The following PGBD2 variants were observed in gnomAD, a reference collection of about 807,000 sequenced individuals.
The protein encoded by PGBD2 is piggyBac transposable element-derived protein 2.
A neutral mutation model predicts 8.1 loss-of-function variants in PGBD2; 6 were observed. The ratio of observed to expected loss-of-function variants is 0.74; its 90% CI spans 0.40 to 1.46. The LOEUF (loss-of-function observed/expected upper bound fraction) is 1.46, where lower values mean the gene tolerates loss of function less well. PGBD2 is among the 40% of genes most tolerant of loss of function. The pLI, the probability that PGBD2 is intolerant of heterozygous loss-of-function variation, is 0.02. For synonymous variants in PGBD2, 318 were observed against 272.2 expected (o/e 1.17, Z -1.66); for missense variants, 802 against 739.0 (o/e 1.09, Z -0.99).
chr1:248,926,415 A>G, the PGBD2 span, among the ~76,000 whole-genome samples: 1 of 152,226 alleles, frequency 6.6e-6, no homozygotes, highest in Non-Finnish European at 1.5e-5. Flanking sequence ...ATGGAAAGGT[A>G]GTGCATTCCT....
At chr1:248,930,075 C>G in the PGBD2 span, among the ~76,000 whole-genome samples, 2 of 152,218 alleles carry the variant, frequency 1.3e-5, no homozygotes, top group African/African-American at 4.8e-5. Flanking sequence ...GGAGGGAGCT[C>G]TGCCATGGGC....
chr1:248,916,791 C>G lies in PGBD2; in HGVS notation c.207C>G (p.His69Gln). 2 of 1,614,196 alleles carry G rather than the reference C, an allele frequency of 1.2e-6. No homozygotes were observed. The highest frequency in any genetic ancestry group is 8.5e-7 in the Non-Finnish European group (1 of 1,180,034). The stretch of plus-strand genomic sequence containing the variant: ...ATGAAGACAGCCAGCGAGGTGCTCA[C>G]CTACCTGGCAGTGTGCTGCATGCTT... The part of the protein sequence containing the change: ...SGDEDSQRGA[H>Q]LPGSVLHASV... The change falls in exon 3 of 3, where the codon CAC becomes CAG. Residue 69 changes from histidine (H) to glutamine (Q), a missense_variant. His to Gln is a conservative substitution (Grantham distance 24, BLOSUM62 0). Transcript: ENST00000329291.
chr1:248,879,540 G>A, the PGBD2 span, among the ~76,000 whole-genome samples: 13 of 152,050 alleles, frequency 8.5e-5, no homozygotes, highest in Admixed American at 2.0e-4. Context: ...GACTACAGGC[G>A]TGTGCCACTA....
the PGBD2 span, among the ~76,000 whole-genome samples, chr1:248,929,579 A>G: frequency 6.6e-6 from 1 of 152,208 alleles, no homozygotes; most frequent in Non-Finnish European, 1.5e-5. Context: ...GCAATGTTGT[A>G]GAACATCGTA....
At position 248,918,472 on chromosome 1, in the gene PGBD2, A is replaced by C. The variant is rs1199840232; in HGVS notation, c.*109A>C. On this transcript the variant is annotated 3_prime_UTR_variant, in exon 3 of 3. Transcript: ENST00000329291. ...GGAAAAAAGACCTGAATTTCTAATGACTTGATTTTCTATTTTCTCCCTACC... is the reference window on the plus strand; with the variant it reads ...GGAAAAAAGACCTGAATTTCTAATGCCTTGATTTTCTATTTTCTCCCTACC... 2.6e-6 allele frequency: 3 copies of C among 1,137,218 alleles called. No individual in the cohort carries two copies. Among genetic ancestry groups the C allele is most frequent in the Non-Finnish European group, 2.4e-6 (2 of 822,690 alleles). 70.4% of individuals were successfully genotyped at this position (1,137,218 alleles called of 1,614,324 possible). A position where few individuals can be genotyped will look rare whatever the true frequency, so the allele number is the denominator to read the frequency against.
the PGBD2 span, among the ~76,000 whole-genome samples, chr1:248,896,804 G>A: frequency 3.9e-5 from 6 of 152,234 alleles, no homozygotes; most frequent in Admixed American, 1.3e-4. Context: ...GAAAAGCAAG[G>A]TGGGGCGACA....
chr1:248,927,260 G>A, the PGBD2 span, among the ~76,000 whole-genome samples: 1 of 152,186 alleles, frequency 6.6e-6, no homozygotes, highest in African/African-American at 2.4e-5. Context: ...GCATGAGAAT[G>A]TCGGGAAGGG....
chr1:248,900,016 C>G, the PGBD2 span, among the ~76,000 whole-genome samples: 4 of 145,398 alleles, frequency 2.8e-5, no homozygotes, highest in African/African-American at 1.0e-4. Flanking sequence ...TACACCCTCC[C>G]AAGACTGAAC....
At chr1:248,885,385 C>T in the PGBD2 span, among the ~76,000 whole-genome samples, 1 of 151,692 alleles carries the variant, frequency 6.6e-6, no homozygotes, top group African/African-American at 2.4e-5. Flanking sequence ...AAGCTATCCT[C>T]TCACCTCAGC....
At chr1:248,929,749 C>T in the PGBD2 span, among the ~76,000 whole-genome samples, 1 of 152,172 alleles carries the variant, frequency 6.6e-6, no homozygotes, top group Non-Finnish European at 1.5e-5. Context: ...AAAGGTGTTT[C>T]CCCAAAACAC....
At chr1:248,892,688 C>T in the PGBD2 span, among the ~76,000 whole-genome samples, 1 of 152,258 alleles carries the variant, frequency 6.6e-6, no homozygotes, top group South Asian at 2.1e-4. Context: ...TACCTCTAAG[C>T]CCTTGGAATA....
intron 2 of PGBD2, chr1:248,914,613 AG>A: frequency 7.8e-7 from 1 of 1,287,720 alleles, no homozygotes; most frequent in Non-Finnish European, 1.0e-6. Context: ...GTTGGGATGG[AG>A]GGTCCTCACG....
chr1:248,883,365 C>T, the PGBD2 span, among the ~76,000 whole-genome samples: 18 of 152,000 alleles, frequency 1.2e-4, no homozygotes, highest in African/African-American at 3.1e-4. Context: ...TCAGGTGATC[C>T]GCCGCCTCGG....
the PGBD2 span, among the ~76,000 whole-genome samples, chr1:248,890,374 CTAT>C: frequency 2.0e-5 from 3 of 152,088 alleles, no homozygotes; most frequent in African/African-American, 7.2e-5. Context: ...CTTACAGGTA[CTAT>C]TATTGTGTTC....
chr1:248,907,519 C>G (rs757415430), intron 1 of PGBD2, among the ~76,000 whole-genome samples: 1 of 152,070 alleles, frequency 6.6e-6, no homozygotes. Context: ...TCTCTTCCCA[C>G]GAGGCTGTAT....
chr1:248,901,450 A>C (rs543475806), upstream of PGBD2, among the ~76,000 whole-genome samples: 11 of 152,174 alleles, frequency 7.2e-5, 1 homozygote, highest in Admixed American at 7.2e-4. Context: ...ACCTACAACT[A>C]TCTGATCTTT....
At chr1:248,882,769 C>G in the PGBD2 span, among the ~76,000 whole-genome samples, 1 of 152,232 alleles carries the variant, frequency 6.6e-6, no homozygotes, top group African/African-American at 2.4e-5. Context: ...TTCATAGGCT[C>G]TCTGCAGGGG....
downstream of PGBD2, among the ~76,000 whole-genome samples, chr1:248,923,689 T>C (rs1662330316): frequency 6.6e-6 from 1 of 152,254 alleles, no homozygotes; most frequent in Admixed American, 6.5e-5. Context: ...TTTCTTTTCC[T>C]CATACAGTCA....
the PGBD2 span, among the ~76,000 whole-genome samples, chr1:248,895,650 T>C: frequency 6.6e-6 from 1 of 152,040 alleles, no homozygotes; most frequent in Non-Finnish European, 1.5e-5. Context: ...AAGATTTTGG[T>C]ACCTGAGCAG....
Sources: gnomAD v4.1 joint callset for allele counts (sites outside exome capture counted in the v4.1 genomes callset) on GRCh38, gnomAD v4.1.1 for gene constraint, MANE v1.5 for transcripts, NCBI Gene and HGNC (gene_info 2026-07-23, HGNC 2026-07-21) for gene names.